FAM186A: variants seen among roughly 807,000 people sequenced by gnomAD.
FAM186A encodes the protein protein FAM186A.
FAM186A carries 163 observed loss-of-function variants against 216.8 expected under a neutral mutation model. That is an observed-to-expected ratio of 0.75 (90% CI 0.66 to 0.86). The LOEUF is 0.86. FAM186A is among the 40% of genes least tolerant of loss of function. The probability of loss-of-function intolerance (pLI) is 0.00; values close to 1 mark genes in which losing one functional copy is unlikely to be tolerated. For missense variants in FAM186A, 2,184 were observed against 2,746.2 expected (o/e 0.80, Z 4.58); for synonymous variants, 805 against 1,025.3 (o/e 0.79, Z 4.10).
At chr12:50,383,079 C>A (rs1236190348) in intron 1 of FAM186A, among the ~76,000 whole-genome samples, 2 of 149,940 alleles carry the variant, frequency 1.3e-5, no homozygotes, top group Non-Finnish European at 3.0e-5. Context: ...ACAACAACAA[C>A]AACAACAAAA....
chr12:50,386,808 G>C (rs535053685), intron 1 of FAM186A, among the ~76,000 whole-genome samples: 19 of 145,974 alleles, frequency 1.3e-4, no homozygotes, highest in African/African-American at 4.8e-4. Flanking sequence ...GGGGGTTAGG[G>C]AGAGGTTGCA....
chr12:50,387,788 G>C (rs1485400153), intron 1 of FAM186A, among the ~76,000 whole-genome samples: 1 of 152,120 alleles, frequency 6.6e-6, no homozygotes, highest in African/African-American at 2.4e-5. Flanking sequence ...GTTTCTGCTG[G>C]CATTCACCCC....
intron 3 of FAM186A, among the ~76,000 whole-genome samples, chr12:50,357,437 G>A (rs905349530): frequency 1.3e-5 from 2 of 148,492 alleles, no homozygotes; most frequent in Non-Finnish European, 3.0e-5. Flanking sequence ...GGGAAGCGGC[G>A]GTTGCGGTGA....
At chr12:50,377,191 G>A (rs1943206333) in intron 1 of FAM186A, among the ~76,000 whole-genome samples, 1 of 152,178 alleles carries the variant, frequency 6.6e-6, no homozygotes, top group African/African-American at 2.4e-5. Context: ...TATGGTATTG[G>A]TGTAATGACG....
At chr12:50,378,044 G>A (rs1329354052) in intron 1 of FAM186A, among the ~76,000 whole-genome samples, 1 of 151,928 alleles carries the variant, frequency 6.6e-6, no homozygotes, top group Non-Finnish European at 1.5e-5. Flanking sequence ...TGACCAACAT[G>A]GAAAAACCCT....
intron 1 of FAM186A, 55 bp downstream of exon 1, chr12:50,396,238 C>A: frequency 2.1e-6 from 3 of 1,410,732 alleles, no homozygotes; most frequent in South Asian, 3.2e-5. Flanking sequence ...TGTACTTGGT[C>A]ACAGAAAGTT....
At chr12:50,380,912 G>A (rs1452839939) in intron 1 of FAM186A, among the ~76,000 whole-genome samples, 1 of 152,216 alleles carries the variant, frequency 6.6e-6, no homozygotes, top group East Asian at 1.9e-4. Context: ...GTGAGCAAGT[G>A]AGCATTGGGC....
intron 5 of FAM186A, among the ~76,000 whole-genome samples, chr12:50,333,109 T>C (rs948384518): frequency 2.6e-5 from 4 of 152,176 alleles, no homozygotes; most frequent in Non-Finnish European, 5.9e-5. Context: ...TGGATTAGGC[T>C]CTGATGAGAA....
intron 1 of FAM186A, chr12:50,365,792 G>T: frequency 1.3e-6 from 1 of 755,866 alleles, no homozygotes. Context: ...TGTGATCCGT[G>T]CCCATCTGAA....
rs905561404 is a variant in FAM186A at position 50,396,451 on chromosome 12, C to A, written c.34G>T (p.Asp12Tyr). Residue 12 changes from aspartate to tyrosine, a missense_variant, in exon 1 of 8, where the codon GAC (aspartate) becomes TAC (tyrosine). Physicochemically the swap from Asp to Tyr is radical, Grantham distance 160 (BLOSUM62 -3). Transcript: ENST00000327337. ...FFKMKNEIDN[D>Y]PESEKCIKDS... is the part of the protein sequence containing the mutation. ...TTGATGCATTTTTCTGATTCAGGGT[C>A]ATTGTCTATCTCATTTTTCATTTTG... The A allele has an allele frequency of 1.3e-6, 2 of 1,544,462 alleles. No homozygotes were observed. Among genetic ancestry groups the A allele is most frequent in the African/African-American group, 2.8e-5 (2 of 72,692 alleles).
At position 50,353,827 on chromosome 12, in the gene FAM186A, A is replaced by C; in HGVS notation, c.3005T>G (p.Val1002Gly). ...AGATAATGTCATTGGAGTTTGGATGACCATTTTTTCTAGCTCTTTAGGTTG... is the reference window on the plus strand; with the variant it reads ...AGATAATGTCATTGGAGTTTGGATGCCCATTTTTTCTAGCTCTTTAGGTTG... The part of the protein sequence containing the change: ...ETQPKELEKM[V>G]IQTPMTLSPR... The change falls in exon 4 of 8, where the codon GTC becomes GGC. Residue 1002 changes from valine (V) to glycine (G), a missense_variant. By Grantham distance (109) the Val-to-Gly change is moderately radical. This residue lies in a region of FAM186A where 1,132 missense variants were observed against 1,263.4 expected (regional missense o/e 0.90). Coordinates refer to ENST00000327337, the MANE Select transcript of FAM186A (RefSeq NM_001145475.3). 6.4e-7 allele frequency: 1 copy of C among 1,551,600 alleles called. No individual in the cohort carries two copies. The highest frequency in any genetic ancestry group is 1.2e-5 in the South Asian group (1 of 84,056).
In FAM186A at chr12:50,353,355, G is replaced by A. The variant is rs750206057; in HGVS notation, c.3477C>T (p.Leu1159=). 7.5e-5 allele frequency: 116 copies of A among 1,537,694 alleles called. No individual in the cohort carries two copies. Among genetic ancestry groups the A allele is most frequent in the Non-Finnish European group, 9.7e-5 (111 of 1,141,032 alleles). ...CTAGTTTCTGAGCCTGCTGAGTGGTGAGAGAGATCCCCGGGGCCTGGTCCT... is the reference window on the plus strand; with the variant it reads ...CTAGTTTCTGAGCCTGCTGAGTGGTAAGAGAGATCCCCGGGGCCTGGTCCT... ...PQQDQAPGIS[L]TTQQAQKLGI... The change falls in exon 4 of 8, where the codon CTC becomes CTT. Residue 1159 remains leucine, a synonymous_variant. Coordinates refer to ENST00000327337, the MANE Select transcript of FAM186A (RefSeq NM_001145475.3).
Position 50,331,824 on chromosome 12 carries a change from A to T in FAM186A, c.6697-3T>A. ...TTCAATTCATGTATCTTTTTGAGCTATAAAAAAAAATAGATCAGAAAAAGG... is the reference window on the plus strand; with the variant it reads ...TTCAATTCATGTATCTTTTTGAGCTTTAAAAAAAAATAGATCAGAAAAAGG... On this transcript the variant is annotated splice_polypyrimidine_tract_variant and splice_region_variant and intron_variant, in intron 5 of 7. Coordinates refer to ENST00000327337, the MANE Select transcript of FAM186A (RefSeq NM_001145475.3). The T allele has an allele frequency of 1.3e-6, 2 of 1,515,208 alleles. No homozygotes were observed. The highest frequency in any genetic ancestry group is 8.8e-7 in the Non-Finnish European group (1 of 1,137,258). The allele number at this position is 1,515,208 out of a possible 1,614,324, so 93.9% of individuals were successfully genotyped here.
chr12:50,337,459 ATT>A (rs770966416), intron 4 of FAM186A, among the ~76,000 whole-genome samples: 13 of 133,480 alleles, frequency 9.7e-5, no homozygotes, highest in Admixed American at 1.5e-4. Flanking sequence ...AGGCCTGCCA[ATT>A]TTTTTTTTTT....
At chr12:50,386,878 A>G (rs1943309319) in intron 1 of FAM186A, among the ~76,000 whole-genome samples, 2 of 147,206 alleles carry the variant, frequency 1.4e-5, no homozygotes, top group Non-Finnish European at 3.0e-5. Flanking sequence ...CTCTGTCTCA[A>G]AAAAAAAAAA....
chr12:50,337,284 T>G lies in FAM186A; in HGVS notation c.6504-3181A>C, dbSNP rs1344898075. 3.6e-5 allele frequency among the ~76,000 whole-genome samples: 5 copies of G among 139,140 alleles called. No homozygotes were observed. The East Asian group carries it at 1.0e-3, about 29-fold the overall frequency. The allele number at this position is 139,140 out of a possible 152,430, so 91.3% of individuals were successfully genotyped here. A position where few individuals can be genotyped will look rare whatever the true frequency, so the allele number is the denominator to read the frequency against. The stretch of plus-strand genomic sequence containing the variant: ...TTATTGTTGGATGTAGTTTTAGAGA[T>G]AATTCTTTTTTTTTTTTTTTTTTTT... On this transcript the variant is annotated intron_variant, in intron 4 of 7. Coordinates refer to ENST00000327337, the MANE Select transcript of FAM186A (RefSeq NM_001145475.3).
chr12:50,346,983 G>T (rs1322414782), intron 4 of FAM186A, among the ~76,000 whole-genome samples: 2 of 132,284 alleles, frequency 1.5e-5, no homozygotes, highest in Non-Finnish European at 3.2e-5. Context: ...GGGTGACAGA[G>T]TAAGACTCTG....
chr12:50,380,758 T>C (rs1438446360), intron 1 of FAM186A, among the ~76,000 whole-genome samples: 3 of 151,610 alleles, frequency 2.0e-5, no homozygotes, highest in Non-Finnish European at 4.4e-5. Context: ...CAGAAACCCC[T>C]GTGGCCAACT....
At chr12:50,341,365 G>A (rs1028535551) in intron 4 of FAM186A, among the ~76,000 whole-genome samples, 20 of 152,076 alleles carry the variant, frequency 1.3e-4, no homozygotes, top group Admixed American at 7.2e-4. Context: ...ATCTGTCTGT[G>A]ATTTTGTTAT....
Sources: gnomAD v4.1 joint callset for allele counts (sites outside exome capture counted in the v4.1 genomes callset) on GRCh38, gnomAD v4.1.1 for gene constraint, gnomAD v4.1.1 regional missense constraint, MANE v1.5 for transcripts, NCBI Gene and HGNC (gene_info 2026-07-23, HGNC 2026-07-21) for gene names.